ZNF831: variants seen among roughly 807,000 people sequenced by gnomAD.
The protein encoded by ZNF831 is zinc finger protein 831.
A neutral mutation model predicts 95.8 loss-of-function variants in ZNF831; 59 were observed. The ratio of observed to expected loss-of-function variants is 0.62; its 90% CI spans 0.50 to 0.77. ZNF831 has a LOEUF of 0.77. ZNF831 is among the 30% of genes least tolerant of loss of function. The pLI is 0.00. For synonymous variants in ZNF831, 961 were observed against 925.5 expected (o/e 1.04, Z -0.70); for missense variants, 2,205 against 2,164.0 (o/e 1.02, Z -0.38).
chr20:59,130,083 G>T lies in ZNF831; in HGVS notation c.-1425+6578G>T, dbSNP rs550102979. On this transcript the variant is annotated intron_variant, in intron 1 of 7. Coordinates refer to the ZNF831 transcript ENST00000637017. The stretch of plus-strand genomic sequence containing the variant: ...CTTGGTTTCCTCATTTGTAAGATGG[G>T]CATAAGAACAGTACTTCCCACACAG... Among the ~76,000 whole-genome samples the T allele has an allele frequency of 5.9e-5, 9 of 152,274 alleles. No homozygotes were observed. In the South Asian group the frequency reaches 1.9e-3, roughly 32 times the overall value.
intron 1 of ZNF831, among the ~76,000 whole-genome samples, chr20:59,130,939 A>G (rs1979334090): frequency 6.6e-6 from 1 of 152,194 alleles, no homozygotes; most frequent in Non-Finnish European, 1.5e-5. Context: ...AAGGAGGGCT[A>G]GTAATCCTCT....
At chr20:59,218,264 C>T (rs1037963612) in intron 4 of ZNF831, among the ~76,000 whole-genome samples, 1 of 152,156 alleles carries the variant, frequency 6.6e-6, no homozygotes, top group East Asian at 1.9e-4. Context: ...GCTGGGGCTC[C>T]CAATATGAGA....
rs530884001 is a variant in ZNF831, at chr20:59,169,581, C to T, written c.-37+5374C>T. Among the ~76,000 whole-genome samples, 765 of 152,200 alleles carry T rather than the reference C, an allele frequency of 5.0e-3. 2 individuals are homozygous for T. The highest frequency in any genetic ancestry group is 0.017 in the Middle Eastern group (5 of 294). On this transcript the variant is annotated intron_variant, in intron 1 of 5. Coordinates refer to ENST00000371030, the MANE Select transcript of ZNF831 (RefSeq NM_178457.3). This position sits in a 1 kb window ranked among gnomAD's most constrained non-coding sequence, Gnocchi z 4.1. ...AGGAGTTCGAAACCAGCCTGGCCAA[C>T]GTGGTGAAATCCTGTCTCTACTAAA... is the stretch of plus-strand genomic sequence containing the variant.
chr20:59,166,418 C>T (rs951546248), intron 1 of ZNF831, among the ~76,000 whole-genome samples: 7 of 152,172 alleles, frequency 4.6e-5, no homozygotes, highest in Admixed American at 3.3e-4. Context: ...GAAAAAAATA[C>T]AGAGAGATCC....
chr20:59,151,584 T>C (rs1391491809), intron 2 of ZNF831, among the ~76,000 whole-genome samples: 1 of 152,182 alleles, frequency 6.6e-6, no homozygotes, highest in Non-Finnish European at 1.5e-5. Flanking sequence ...AGATTCCACC[T>C]GAGTTCTGCA....
chr20:59,231,294 T>G (rs1339112536), intron 4 of ZNF831, among the ~76,000 whole-genome samples: 1 of 152,182 alleles, frequency 6.6e-6, no homozygotes, highest in Non-Finnish European at 1.5e-5. Flanking sequence ...AATAGGCAAC[T>G]TGCATGCTCT....
At chr20:59,166,534 G>A (rs1322336287) in intron 1 of ZNF831, among the ~76,000 whole-genome samples, 1 of 152,040 alleles carries the variant, frequency 6.6e-6, no homozygotes, top group African/African-American at 2.4e-5. Context: ...TCACCGCAAG[G>A]ATGCGTCGTG....
intron 4 of ZNF831, among the ~76,000 whole-genome samples, chr20:59,212,743 AG>A (rs1246191086): frequency 6.6e-6 from 1 of 152,198 alleles, no homozygotes; most frequent in Non-Finnish European, 1.5e-5. Flanking sequence ...TCCAGTCATA[AG>A]GTTGGCTGGT....
intron 5 of ZNF831, 49 bp from the exon 6 acceptor site, chr20:59,253,849 C>CCCCTTGGG: frequency 7.0e-7 from 1 of 1,419,600 alleles, no homozygotes; most frequent in Non-Finnish European, 9.4e-7. Flanking sequence ...TTTCTTTGTA[C>CCCCTTGGG]CAATTAACCT....
chr20:59,193,086 G>T lies in ZNF831; in HGVS notation c.2067G>T (p.Thr689=), dbSNP rs749583300. The T allele has an allele frequency of 1.3e-6, 2 of 1,598,914 alleles. No individual in the cohort carries two copies. Among genetic ancestry groups the T allele is most frequent in the Non-Finnish European group, 8.5e-7 (1 of 1,172,620 alleles). Residue 689 remains threonine (T), a synonymous_variant, in exon 2 of 6, where the codon ACG becomes ACT. Transcript: ENST00000371030. ...PVHEDISAGA[T]PEPWGNPPAL... ...ATGAGGACATATCCGCAGGGGCAAC[G>T]CCAGAGCCTTGGGGAAATCCACCAG...
chr20:59,183,720 A>G (rs1982798608), intron 1 of ZNF831, among the ~76,000 whole-genome samples: 1 of 152,196 alleles, frequency 6.6e-6, no homozygotes, highest in African/African-American at 2.4e-5. Flanking sequence ...ATTTAAAACA[A>G]TTTTCGAAGT....
rs111536798 is a variant in ZNF831, at chr20:59,240,696, G to C, written c.4028-12282G>C. ...GGGCGCCTGTAGTCCCAGCTACTCC[G>C]GAGGCTGAGGCAGGAGAATGGCGTG... On this transcript the variant is annotated intron_variant, in intron 4 of 5. Coordinates refer to ENST00000371030, the MANE Select transcript of ZNF831 (RefSeq NM_178457.3). 8.3e-3 allele frequency among the ~76,000 whole-genome samples: 1,270 copies of C among 152,186 alleles called. 18 individuals carry two copies. Among genetic ancestry groups the C allele is most frequent in the African/African-American group, 0.029 (1,208 of 41,514 alleles).
chr20:59,142,310 T>G (rs1979708517), intron 1 of ZNF831, among the ~76,000 whole-genome samples: 1 of 152,176 alleles, frequency 6.6e-6, no homozygotes, highest in South Asian at 2.1e-4. Context: ...GCACTTGAGC[T>G]GGGAGCCGTA....
chr20:59,167,931 T>A (rs61390207), intron 1 of ZNF831, among the ~76,000 whole-genome samples: 3,644 of 151,418 alleles, frequency 0.024, 124 homozygotes, highest in African/African-American at 0.083. Flanking sequence ...TTTTTTTTTT[T>A]AATTATTTTG....
At chr20:59,167,365 T>C (rs1981359239) in intron 1 of ZNF831, among the ~76,000 whole-genome samples, 1 of 152,118 alleles carries the variant, frequency 6.6e-6, no homozygotes, top group African/African-American at 2.4e-5. Flanking sequence ...TGTTTGTGAA[T>C]ACTTTCTCCA....
intron 4 of ZNF831, among the ~76,000 whole-genome samples, chr20:59,246,468 A>G (rs930069821): frequency 2.0e-5 from 3 of 152,222 alleles, no homozygotes; most frequent in Admixed American, 1.3e-4. Context: ...ATGTTACACA[A>G]AGTATATCAG....
intron 4 of ZNF831, among the ~76,000 whole-genome samples, chr20:59,225,671 G>T (rs1022998052): frequency 2.0e-5 from 3 of 152,184 alleles, no homozygotes; most frequent in Non-Finnish European, 2.9e-5. Flanking sequence ...ATTAGATGAC[G>T]TGAGGTAAAC....
At position 59,191,441 on chromosome 20, in the gene ZNF831, C is replaced by A. The variant is rs1211130619; in HGVS notation, c.422C>A (p.Ala141Glu). 6.2e-7 allele frequency: 1 copy of A among 1,612,774 alleles called. No homozygotes were observed. The highest frequency in any genetic ancestry group is 8.5e-7 in the Non-Finnish European group (1 of 1,179,840). ...GGCAGCCCAGGCAAGGTGCGGAATGCGGGCAAGTACCTGTGTCCGCACTGT... is the reference window on the plus strand; with the variant it reads ...GGCAGCCCAGGCAAGGTGCGGAATGAGGGCAAGTACCTGTGTCCGCACTGT... ...TLGSPGKVRN[A>E]GKYLCPHCGR... Residue 141 changes from alanine to glutamate, a missense_variant, in exon 2 of 6, where the codon GCG (alanine) becomes GAG (glutamate). Coordinates refer to ENST00000371030, the MANE Select transcript of ZNF831 (RefSeq NM_178457.3).
intron 4 of ZNF831, among the ~76,000 whole-genome samples, chr20:59,251,830 A>G (rs890033115): frequency 6.6e-6 from 1 of 152,226 alleles, no homozygotes; most frequent in East Asian, 1.9e-4. Context: ...ATCCCAGGGA[A>G]AGCAGTTTTC....
Sources: allele counts gnomAD v4.1 joint callset (sites outside exome capture counted in the v4.1 genomes callset), GRCh38; gene constraint gnomAD v4.1.1; non-coding constraint Gnocchi (gnomAD v3.1); transcripts MANE v1.5; gene names NCBI Gene and HGNC (gene_info 2026-07-23, HGNC 2026-07-21).